Variants in SPG11 observed in about 807,000 individuals in gnomAD.
The protein encoded by SPG11 is SPG11 vesicle trafficking associated, spatacsin.
SPG11 carries 222 observed loss-of-function variants against 274.0 expected under a neutral mutation model. The ratio of observed to expected loss-of-function variants is 0.81; its 90% CI spans 0.73 to 0.91. The LOEUF is 0.91. Among genes scored for constraint, SPG11 ranks in the 40% least tolerant of loss-of-function variants. The pLI, the probability that SPG11 is intolerant of heterozygous loss-of-function variation, is 0.00. For missense variants in SPG11, 3,114 were observed against 2,872.7 expected, an observed-to-expected ratio of 1.08 and a Z score of -1.92; for synonymous variants, 1,144 against 1,039.7, an observed-to-expected ratio of 1.10 and a Z score of -1.93.
At chr15:44,603,834 T>C (rs1259691374) in intron 20 of SPG11, among the ~76,000 whole-genome samples, 2 of 152,232 alleles carry the variant, frequency 1.3e-5, no homozygotes, top group Non-Finnish European at 2.9e-5. Flanking sequence ...ATAGTTGTTA[T>C]ACTGTATTTT....
At chr15:44,588,742 G>A (rs887551040) in intron 28 of SPG11, 10 of 348,644 alleles carry the variant, frequency 2.9e-5, no homozygotes, top group African/African-American at 6.4e-5. Flanking sequence ...GATCAACCGC[G>A]GGTACATAAT....
At position 44,628,901 on chromosome 15, in the gene SPG11, G is replaced by C. The variant is rs147645742; in HGVS notation, c.1892-57C>G. The C allele has an allele frequency of 3.6e-4, 545 of 1,494,476 alleles. 6 individuals carry two copies. In the East Asian group the frequency reaches 0.011, roughly 30 times the overall value. 92.6% of individuals were successfully genotyped at this position (1,494,476 alleles called of 1,614,324 possible). ...GTGTGTGTGTAAATATAAACCATGAGCTGTTATAAAGAATTCTAAAGAAAG... is the reference window on the plus strand; with the variant it reads ...GTGTGTGTGTAAATATAAACCATGACCTGTTATAAAGAATTCTAAAGAAAG... On this transcript the variant is annotated intron_variant, in intron 9 of 39. Transcript: ENST00000261866.
chr15:44,657,285 C>G lies in SPG11; in HGVS notation c.679G>C (p.Val227Leu). 6.2e-7 allele frequency: 1 copy of G among 1,614,164 alleles called. No homozygotes were observed. Among genetic ancestry groups the G allele is most frequent in the Non-Finnish European group, 8.5e-7 (1 of 1,180,016 alleles). ...SSLGWIYIFD[V>L]VDGTYVAHVD... is the part of the protein sequence containing the mutation. ...TGAGCTACATATGTACCATCCACAA[C>G]ATCAAAAATGTCTTTTAGTTAGAGT... is the stretch of plus-strand genomic sequence containing the variant. The change falls in exon 4 of 40, where the codon GTT becomes CTT. Residue 227 changes from valine to leucine, a missense_variant. Physicochemically the swap from Val to Leu is conservative, Grantham distance 32 (BLOSUM62 1). Coordinates refer to ENST00000261866, the MANE Select transcript of SPG11 (RefSeq NM_025137.4).
chr15:44,654,100 T>G (rs1470747211), intron 4 of SPG11, among the ~76,000 whole-genome samples: 3 of 152,180 alleles, frequency 2.0e-5, no homozygotes, highest in Non-Finnish European at 4.4e-5. Flanking sequence ...ACCACAGGCA[T>G]GTACTACCAT....
intron 20 of SPG11, among the ~76,000 whole-genome samples, chr15:44,602,904 C>T (rs887056708): frequency 6.6e-6 from 1 of 152,098 alleles, no homozygotes; most frequent in African/African-American, 2.4e-5. Context: ...TAGCCAATAA[C>T]CCTATAGTTG....
intron 30 of SPG11, among the ~76,000 whole-genome samples, chr15:44,576,255 G>T (rs1167907367): frequency 6.8e-6 from 1 of 147,026 alleles, no homozygotes; most frequent in Non-Finnish European, 1.5e-5. Flanking sequence ...ATCACACTTT[G>T]TAATGGCAAA....
chr15:44,562,885 T>TAATA lies in SPG11; in HGVS notation c.*232_*235dup. On this transcript the variant is annotated 3_prime_UTR_variant, in exon 40 of 40. Coordinates refer to ENST00000261866, the MANE Select transcript of SPG11 (RefSeq NM_025137.4). ...CTGAGGAAGAGGAAGCTTTTGATCTTAATACTAGTATCTATATAAAATGGT... is the reference window on the plus strand; with the variant it reads ...CTGAGGAAGAGGAAGCTTTTGATCTTAATAAATACTAGTATCTATATAAAATGGT... The TAATA allele has an allele frequency of 2.0e-6, 1 of 504,496 alleles. No homozygotes were observed. The highest frequency in any genetic ancestry group is 3.6e-6 in the Non-Finnish European group (1 of 280,668). 31.3% of individuals were successfully genotyped at this position (504,496 alleles called of 1,614,324 possible). A position where few individuals can be genotyped will look rare whatever the true frequency, so the allele number is the denominator to read the frequency against.
Position 44,663,599 on chromosome 15 carries a change from A to C in SPG11, c.49T>G (p.Trp17Gly). The change falls in exon 1 of 40, where the codon TGG (tryptophan) becomes GGG (glycine). Residue 17 changes from tryptophan (W) to glycine (G), a missense_variant. By Grantham distance (184) the Trp-to-Gly change is radical. Coordinates refer to ENST00000261866, the MANE Select transcript of SPG11 (RefSeq NM_025137.4). ...ACCCGCCCCATGGCCGCGGTGCCCCAGCTACCGCCGGCGGAAGCAGCACTC... is the reference window on the plus strand; with the variant it reads ...ACCCGCCCCATGGCCGCGGTGCCCCCGCTACCGCCGGCGGAAGCAGCACTC... The part of the protein sequence containing the change: ...VASAASAGGS[W>G]GTAAMGRVLP... 2.5e-6 allele frequency: 4 copies of C among 1,596,572 alleles called. No homozygotes were observed. Among genetic ancestry groups the C allele is most frequent in the Non-Finnish European group, 3.4e-6 (4 of 1,175,082 alleles).
chr15:44,595,681 G>C (rs1484941392), intron 25 of SPG11, among the ~76,000 whole-genome samples: 8 of 152,176 alleles, frequency 5.3e-5, no homozygotes, highest in East Asian at 3.8e-4. Flanking sequence ...CAGACAGAAG[G>C]GGGTATATGC....
chr15:44,575,030 C>G lies in SPG11; in HGVS notation c.5878G>C (p.Asp1960His). The change falls in exon 31 of 40, where the codon GAT becomes CAT. Residue 1960 changes from aspartate to histidine, a missense_variant. Asp to His is a moderately conservative substitution (Grantham distance 81, BLOSUM62 -1). Transcript: ENST00000261866. ...LRRVHSTSSL[D>H]SQKFVTVPSS... ...GGCACTGTCACAAACTTCTGACTAT[C>G]CAGACTTGAAGCTGGAAGCAAATAC... The G allele has an allele frequency of 6.2e-7, 1 of 1,614,004 alleles. No individual in the cohort carries two copies. Among genetic ancestry groups the G allele is most frequent in the Non-Finnish European group, 8.5e-7 (1 of 1,180,024 alleles).
At chr15:44,621,718 C>T (rs895779016) in intron 14 of SPG11, 41 bp downstream of exon 14, 3 of 1,566,112 alleles carry the variant, frequency 1.9e-6, no homozygotes, top group Non-Finnish European at 1.8e-6. Context: ...CAATTTAATC[C>T]TCATTCAGTA....
intron 33 of SPG11, among the ~76,000 whole-genome samples, chr15:44,571,025 GC>G (rs1369707415): frequency 1.3e-5 from 2 of 152,126 alleles, no homozygotes; most frequent in Non-Finnish European, 2.9e-5. Context: ...TTGTATCCCA[GC>G]AAAAGGTCTC....
chr15:44,611,101 A>AGT, intron 17 of SPG11, 116 bp from the exon 18 acceptor site: 2 of 835,712 alleles, frequency 2.4e-6, no homozygotes, highest in Admixed American at 3.2e-5. Flanking sequence ...TAAAAAAAAA[A>AGT]AAAAAAAAAA....
At chr15:44,564,953 G>A (rs1051816144) in intron 38 of SPG11, among the ~76,000 whole-genome samples, 2 of 151,970 alleles carry the variant, frequency 1.3e-5, no homozygotes, top group South Asian at 4.2e-4. Flanking sequence ...GCCCAGGCTG[G>A]ACCAGAAATT....
intron 31 of SPG11, among the ~76,000 whole-genome samples, chr15:44,574,647 C>T (rs968553762): frequency 3.3e-5 from 5 of 152,282 alleles, no homozygotes; most frequent in Non-Finnish European, 7.4e-5. Context: ...TTATAGATGA[C>T]GAAACAGGGG....
At position 44,564,629 on chromosome 15, in the gene SPG11, G is replaced by GAATC; in HGVS notation, c.7065_7068dup (p.Leu2357AspfsTer3). On this transcript the variant is annotated frameshift_variant, in exon 39 of 40. Coordinates refer to ENST00000261866, the MANE Select transcript of SPG11 (RefSeq NM_025137.4). LOFTEE classifies it high-confidence loss of function. ...TCCAAGTAATTAAAGTCTCCTTTAA[G>GAATC]AATCACTTGCTGGTATAAAATTTCA... 1.9e-6 allele frequency: 3 copies of GAATC among 1,613,772 alleles called. No individual in the cohort carries two copies. Among genetic ancestry groups the GAATC allele is most frequent in the South Asian group, 2.2e-5 (2 of 91,072 alleles).
At chr15:44,660,215 T>C (rs1275188727) in intron 2 of SPG11, among the ~76,000 whole-genome samples, 1 of 152,226 alleles carries the variant, frequency 6.6e-6, no homozygotes, top group Non-Finnish European at 1.5e-5. Context: ...ATTTTATTTT[T>C]AGTATTAAGT....
In SPG11 at chr15:44,601,010, G is replaced by C. The variant is rs190762675; in HGVS notation, c.3521-378C>G. On this transcript the variant is annotated intron_variant, in intron 20 of 39. Coordinates refer to ENST00000261866, the MANE Select transcript of SPG11 (RefSeq NM_025137.4). Reference sequence around the variant, plus strand: ...TCTACTAAAAATACAAAATTAGCCAGATGTGGCGGTGCATGCCTGTAATCC... The same window carrying C: ...TCTACTAAAAATACAAAATTAGCCACATGTGGCGGTGCATGCCTGTAATCC... Among the ~76,000 whole-genome samples, 263 of 152,300 alleles carry C rather than the reference G, an allele frequency of 1.7e-3. 2 individuals carry two copies. Among genetic ancestry groups the C allele is most frequent in the African/African-American group, 6.1e-3 (255 of 41,570 alleles).
chr15:44,566,332 C>A, intron 36 of SPG11, 27 bp from the exon 37 acceptor site: 3 of 1,603,894 alleles, frequency 1.9e-6, no homozygotes, highest in East Asian at 2.2e-5. Context: ...GAAGATTTGC[C>A]GAGTCTGACT....
Sources: allele counts gnomAD v4.1 joint callset (sites outside exome capture counted in the v4.1 genomes callset), GRCh38; gene constraint gnomAD v4.1.1; transcripts MANE v1.5; gene names NCBI Gene and HGNC (gene_info 2026-07-23, HGNC 2026-07-21).